The following PAK5 variants were observed in gnomAD, a reference collection of about 807,000 sequenced individuals.
PAK5 encodes the protein serine/threonine-protein kinase PAK 5.
PAK5 carries 16 observed loss-of-function variants against 65.9 expected under a neutral mutation model. The ratio of observed to expected loss-of-function variants is 0.24; its 90% CI spans 0.16 to 0.37. The LOEUF is 0.37. PAK5 is among the 10% of genes least tolerant of loss of function. The pLI, the probability that PAK5 is intolerant of heterozygous loss-of-function variation, is 1.00. For synonymous variants in PAK5, 371 were observed against 354.9 expected (o/e 1.05, Z -0.51); for missense variants, 785 against 903.9 (o/e 0.87, Z 1.69).
chr20:9,660,670 G>A (rs954091032), intron 2 of PAK5, among the ~76,000 whole-genome samples: 3 of 152,118 alleles, frequency 2.0e-5, no homozygotes, highest in Admixed American at 2.0e-4. Context: ...GGTGATATTT[G>A]AGCAAATATT....
intron 1 of PAK5, among the ~76,000 whole-genome samples, chr20:9,798,781 C>G (rs1267986084): frequency 1.3e-5 from 2 of 152,124 alleles, no homozygotes; most frequent in Non-Finnish European, 2.9e-5. Flanking sequence ...CTGGGTTCAT[C>G]AAGGATGATG....
chr20:9,557,567 G>A lies in PAK5; in HGVS notation c.1743+41C>T, dbSNP rs943427489. 5.8e-6 allele frequency: 9 copies of A among 1,560,562 alleles called. No individual in the cohort carries two copies. The African/African-American group carries it at 1.1e-4, about 19-fold the overall frequency. On this transcript the variant is annotated intron_variant, in intron 7 of 9. Transcript: ENST00000353224. ...GAGTTATGCCCATGACAGACAGAGT[G>A]ACAAGAAAAACTACGAACGGGCCAA...
intron 3 of PAK5, among the ~76,000 whole-genome samples, chr20:9,591,467 T>C (rs1188673553): frequency 2.0e-5 from 3 of 152,014 alleles, no homozygotes; most frequent in Non-Finnish European, 4.4e-5. Flanking sequence ...ACAAAGCTTT[T>C]TAAAGAAAGG....
chr20:9,549,216 T>C (rs1472652981), intron 7 of PAK5, among the ~76,000 whole-genome samples: 2 of 152,152 alleles, frequency 1.3e-5, no homozygotes, highest in Non-Finnish European at 1.5e-5. Flanking sequence ...GGCCTCCTTA[T>C]GATATATCAC....
intron 1 of PAK5, among the ~76,000 whole-genome samples, chr20:9,746,153 T>C (rs2048505456): frequency 6.6e-6 from 1 of 152,146 alleles, no homozygotes; most frequent in Non-Finnish European, 1.5e-5. Context: ...AAGGACAAAC[T>C]TCCCAGACAC....
chr20:9,789,399 C>T (rs1369176247), intron 1 of PAK5, among the ~76,000 whole-genome samples: 1 of 152,106 alleles, frequency 6.6e-6, no homozygotes, highest in Admixed American at 6.6e-5. Context: ...AAACTAGGCT[C>T]GGCTCTTCAA....
At chr20:9,793,567 A>G (rs1235768389) in intron 1 of PAK5, among the ~76,000 whole-genome samples, 1 of 151,910 alleles carries the variant, frequency 6.6e-6, no homozygotes, top group Admixed American at 6.6e-5. Context: ...GCCAATAAAC[A>G]TATGAAAAAA....
intron 2 of PAK5, among the ~76,000 whole-genome samples, chr20:9,645,290 C>A (rs1404006291): frequency 6.6e-6 from 1 of 152,178 alleles, no homozygotes; most frequent in Non-Finnish European, 1.5e-5. Flanking sequence ...TAGCCAGTGA[C>A]CAGAATACCT....
intron 2 of PAK5, among the ~76,000 whole-genome samples, chr20:9,676,967 T>C (rs937781872): frequency 1.3e-5 from 2 of 152,094 alleles, no homozygotes; most frequent in Non-Finnish European, 2.9e-5. Flanking sequence ...CATTTTATCA[T>C]TGAGGAATAT....
chr20:9,836,868 C>A (rs1979190069), intron 1 of PAK5, among the ~76,000 whole-genome samples: 1 of 152,142 alleles, frequency 6.6e-6, no homozygotes, highest in African/African-American at 2.4e-5. Flanking sequence ...GAGGACTGTT[C>A]TATAAGTGAG....
chr20:9,833,922 G>A (rs1454382688), intron 1 of PAK5, among the ~76,000 whole-genome samples: 2 of 151,990 alleles, frequency 1.3e-5, no homozygotes, highest in Non-Finnish European at 2.9e-5. Flanking sequence ...TTATATATTA[G>A]TGAATTCATG....
chr20:9,601,028 CT>C (rs1202763116), intron 3 of PAK5, among the ~76,000 whole-genome samples: 1 of 152,140 alleles, frequency 6.6e-6, no homozygotes, highest in Admixed American at 6.5e-5. Context: ...AAAGTGACTC[CT>C]CTGTAGCAGG....
chr20:9,827,881 G>T (rs576748506), intron 1 of PAK5, among the ~76,000 whole-genome samples: 1 of 152,284 alleles, frequency 6.6e-6, no homozygotes, highest in African/African-American at 2.4e-5. Context: ...GCCCAGGCTG[G>T]AGTGCAGTGG....
chr20:9,834,007 T>C (rs1007296487), intron 1 of PAK5, among the ~76,000 whole-genome samples: 2 of 152,220 alleles, frequency 1.3e-5, no homozygotes, highest in African/African-American at 4.8e-5. Flanking sequence ...TTTTTGAACA[T>C]GTATTTTATA....
intron 1 of PAK5, among the ~76,000 whole-genome samples, chr20:9,819,446 C>T (rs2049394359): frequency 6.6e-6 from 1 of 152,096 alleles, no homozygotes. Context: ...GCAATCAGTC[C>T]AGTAAATTAG....
chr20:9,670,548 C>T (rs1413884882), intron 2 of PAK5, among the ~76,000 whole-genome samples: 1 of 152,108 alleles, frequency 6.6e-6, no homozygotes, highest in Admixed American at 6.6e-5. Flanking sequence ...TTTCATGTGT[C>T]TGTTGGCTGC....
chr20:9,801,169 C>T lies in PAK5; in HGVS notation c.-162+37593G>A, dbSNP rs187480224. Among the ~76,000 whole-genome samples the T allele has an allele frequency of 5.9e-5, 9 of 152,148 alleles. No homozygotes were observed. In the East Asian group the frequency reaches 1.6e-3, roughly 26 times the overall value. On this transcript the variant is annotated intron_variant, in intron 1 of 9. Transcript: ENST00000353224. The stretch of plus-strand genomic sequence containing the variant: ...CAAATGATGAAAACCTCCCATGTAA[C>T]TTTTTCAGGTCATGGCTGGGGTAAT...
At chr20:9,572,090 G>A (rs998231437) in intron 4 of PAK5, among the ~76,000 whole-genome samples, 1 of 134,382 alleles carries the variant, frequency 7.4e-6, no homozygotes, top group Non-Finnish European at 1.6e-5. Flanking sequence ...TGGCTTGTTT[G>A]TTTTGAGCAG....
intron 3 of PAK5, among the ~76,000 whole-genome samples, chr20:9,605,963 T>A (rs1175893305): frequency 6.6e-6 from 1 of 152,080 alleles, no homozygotes; most frequent in Non-Finnish European, 1.5e-5. Flanking sequence ...ACAGACTAGA[T>A]GGTCAAAAGT....
Sources: gnomAD v4.1 joint callset for allele counts (sites outside exome capture counted in the v4.1 genomes callset) on GRCh38, gnomAD v4.1.1 for gene constraint, MANE v1.5 for transcripts, NCBI Gene and HGNC (gene_info 2026-07-23, HGNC 2026-07-21) for gene names.